The following GRID2 variants were observed in gnomAD, a reference collection of about 807,000 sequenced individuals.
GRID2 encodes the protein glutamate ionotropic receptor delta type subunit 2, also known as glutamate receptor ionotropic, delta-2.
GRID2 carries 33 observed loss-of-function variants against 114.8 expected under a neutral mutation model. The ratio of observed to expected loss-of-function variants is 0.29; its 90% CI spans 0.22 to 0.38. GRID2 has a LOEUF of 0.38. GRID2 is among the 10% of genes least tolerant of loss of function. The pLI, the probability that GRID2 is intolerant of heterozygous loss-of-function variation, is 1.00. For synonymous variants in GRID2, 505 were observed against 449.9 expected (o/e 1.12, Z -1.55); for missense variants, 1,184 against 1,257.7 (o/e 0.94, Z 0.89).
At chr4:93,038,832 G>A (rs1244817711) in intron 2 of GRID2, among the ~76,000 whole-genome samples, 2 of 151,864 alleles carry the variant, frequency 1.3e-5, no homozygotes, top group Non-Finnish European at 1.5e-5. Flanking sequence ...ATACTGGAGA[G>A]GATGTGGAGA....
intron 1 of GRID2, among the ~76,000 whole-genome samples, chr4:92,581,650 C>T (rs1278915103): frequency 6.6e-6 from 1 of 152,086 alleles, no homozygotes; most frequent in Admixed American, 6.6e-5. Flanking sequence ...GCAAATGTCA[C>T]ATTCAAACAT....
chr4:93,630,942 T>C (rs1169939506), intron 14 of GRID2, among the ~76,000 whole-genome samples: 2 of 152,216 alleles, frequency 1.3e-5, no homozygotes, highest in Non-Finnish European at 2.9e-5. Context: ...TATTCTTATA[T>C]TGTCCTTACT....
intron 1 of GRID2, among the ~76,000 whole-genome samples, chr4:92,489,958 C>G (rs929689460): frequency 6.6e-6 from 1 of 151,726 alleles, no homozygotes; most frequent in Non-Finnish European, 1.5e-5. Context: ...GGAGCTACTT[C>G]TTTATATGAG....
At chr4:93,734,307 T>C (rs771526784) in intron 14 of GRID2, among the ~76,000 whole-genome samples, 3 of 152,032 alleles carry the variant, frequency 2.0e-5, no homozygotes, top group Non-Finnish European at 2.9e-5. Context: ...GAATAAGTAG[T>C]CATGAGATTA....
intron 8 of GRID2, among the ~76,000 whole-genome samples, chr4:93,357,148 T>C (rs1761416374): frequency 6.6e-6 from 1 of 151,654 alleles, no homozygotes. Flanking sequence ...TTATAACAAT[T>C]TACTCTCCCA....
intron 13 of GRID2, among the ~76,000 whole-genome samples, chr4:93,594,882 G>A (rs976196196): frequency 6.6e-5 from 10 of 152,124 alleles, no homozygotes; most frequent in South Asian, 2.1e-4. Context: ...TGCGCTTCCC[G>A]AGTGAGGCAA....
chr4:92,615,660 T>C (rs191014920), intron 2 of GRID2, among the ~76,000 whole-genome samples: 324 of 151,790 alleles, frequency 2.1e-3, no homozygotes, highest in Non-Finnish European at 2.6e-3. Context: ...TTGTGCTTTT[T>C]ATTGCTATAC....
intron 2 of GRID2, among the ~76,000 whole-genome samples, chr4:92,875,375 A>G (rs1467189073): frequency 6.6e-6 from 1 of 152,036 alleles, no homozygotes; most frequent in Non-Finnish European, 1.5e-5. Context: ...TATGTTGGCC[A>G]GACTGGTCTC....
At chr4:92,310,981 A>G (rs1209976786) in intron 1 of GRID2, among the ~76,000 whole-genome samples, 2 of 152,078 alleles carry the variant, frequency 1.3e-5, no homozygotes, top group Non-Finnish European at 2.9e-5. Context: ...AATTATGTAC[A>G]TTTCTTCATC....
chr4:92,977,795 C>G (rs1753963763), intron 2 of GRID2, among the ~76,000 whole-genome samples: 1 of 152,018 alleles, frequency 6.6e-6, no homozygotes, highest in African/African-American at 2.4e-5. Context: ...AAAAGGAAAT[C>G]AAGGGTGATT....
intron 13 of GRID2, among the ~76,000 whole-genome samples, chr4:93,532,463 T>G (rs2149515185): frequency 6.6e-6 from 1 of 152,328 alleles, no homozygotes; most frequent in Non-Finnish European, 1.5e-5. Context: ...ATGGAAGGTT[T>G]CTGCCTCAAA....
At chr4:93,191,188 A>T (rs1001339554) in intron 4 of GRID2, among the ~76,000 whole-genome samples, 6 of 152,200 alleles carry the variant, frequency 3.9e-5, no homozygotes, top group African/African-American at 1.4e-4. Context: ...AGCACAAAAA[A>T]TAGCAAAACT....
intron 1 of GRID2, among the ~76,000 whole-genome samples, chr4:92,368,736 C>A (rs907077179): frequency 1.3e-5 from 2 of 151,900 alleles, no homozygotes; most frequent in African/African-American, 4.8e-5. Context: ...TTTAATGTTT[C>A]TAGCATGACT....
chr4:93,649,122 C>T (rs974074531), intron 14 of GRID2, among the ~76,000 whole-genome samples: 1 of 152,152 alleles, frequency 6.6e-6, no homozygotes, highest in African/African-American at 2.4e-5. Context: ...ATATCATCTT[C>T]AACAACCAAA....
At chr4:92,564,120 C>T (rs1290580879) in intron 1 of GRID2, among the ~76,000 whole-genome samples, 1 of 151,912 alleles carries the variant, frequency 6.6e-6, no homozygotes, top group Non-Finnish European at 1.5e-5. Flanking sequence ...ATGGGTCTGT[C>T]TTACCCTTAG....
chr4:92,362,343 A>AT (rs150167310), intron 1 of GRID2, among the ~76,000 whole-genome samples: 10,659 of 151,816 alleles, frequency 0.07, 420 homozygotes, highest in Middle Eastern at 0.14. Context: ...GGGAAGTATG[A>AT]TTTTTTTTGC....
At chr4:93,357,050 TTA>T (rs1491511628) in intron 8 of GRID2, among the ~76,000 whole-genome samples, 1 of 151,706 alleles carries the variant, frequency 6.6e-6, no homozygotes, top group Non-Finnish European at 1.5e-5. Context: ...TCAATTTTTT[TTA>T]TGTTTTTATA....
chr4:92,767,988 ATTC>A (rs1738349003), intron 2 of GRID2, among the ~76,000 whole-genome samples: 1 of 152,026 alleles, frequency 6.6e-6, no homozygotes, highest in Non-Finnish European at 1.5e-5. Flanking sequence ...CTTATTTTGT[ATTC>A]TTCTAATTAT....
chr4:92,710,935 T>A (rs1026193756), intron 2 of GRID2, among the ~76,000 whole-genome samples: 9 of 151,854 alleles, frequency 5.9e-5, no homozygotes, highest in East Asian at 1.9e-4. Context: ...GTTTTTTTTT[T>A]AATTATTAAT....
Sources: allele counts gnomAD v4.1 joint callset (sites outside exome capture counted in the v4.1 genomes callset), GRCh38; gene constraint gnomAD v4.1.1; transcripts MANE v1.5; gene names NCBI Gene and HGNC (gene_info 2026-07-23, HGNC 2026-07-21).